Variants in TMEM209 observed in about 807,000 individuals in gnomAD.
TMEM209 encodes transmembrane protein 209.
TMEM209 carries 65 observed loss-of-function variants against 76.2 expected under a neutral mutation model. That is an observed-to-expected ratio of 0.85 (90% CI 0.70 to 1.05). The LOEUF (loss-of-function observed/expected upper bound fraction) is 1.05, where lower values mean the gene tolerates loss of function less well. Ranked by LOEUF, TMEM209 falls within the 50% of genes least tolerant of loss-of-function variation. The probability of loss-of-function intolerance (pLI) is 0.00; values close to 1 mark genes in which losing one functional copy is unlikely to be tolerated. For missense variants in TMEM209, 623 were observed against 685.5 expected, an observed-to-expected ratio of 0.91 and a Z score of 1.02; for synonymous variants, 239 against 237.6, an observed-to-expected ratio of 1.01 and a Z score of -0.06.
chr7:130,191,342 T>C (rs2117011904), intron 6 of TMEM209, among the ~76,000 whole-genome samples: 1 of 151,738 alleles, frequency 6.6e-6, no homozygotes, highest in African/African-American at 2.4e-5. Flanking sequence ...AAGAAAACAT[T>C]TAATGGAAGA....
Position 130,170,615 on chromosome 7 carries a change from T to A in TMEM209, c.1558-142A>T. 6 of 680,268 alleles carry A rather than the reference T, an allele frequency of 8.8e-6. No individual in the cohort carries two copies. The South Asian group carries it at 1.2e-4, about 13-fold the overall frequency. The allele number at this position is 680,268 out of a possible 1,614,324, so 42.1% of individuals were successfully genotyped here. Reference sequence around the variant, plus strand: ...ACTTTCATTTATTTATTAAACAAAGTACCTACGCTTTGTGCTAGGAAGTGG... The same window carrying A: ...ACTTTCATTTATTTATTAAACAAAGAACCTACGCTTTGTGCTAGGAAGTGG... On this transcript the variant is annotated intron_variant, in intron 13 of 14. Coordinates refer to ENST00000397622, the MANE Select transcript of TMEM209 (RefSeq NM_032842.4).
intron 14 of TMEM209, among the ~76,000 whole-genome samples, chr7:130,168,176 A>G (rs540776600): frequency 6.6e-6 from 1 of 152,314 alleles, no homozygotes; most frequent in Non-Finnish European, 1.5e-5. Context: ...GCATCAAAAT[A>G]TCAATTTGGA....
chr7:130,177,292 A>G (rs1797266991), intron 10 of TMEM209, among the ~76,000 whole-genome samples: 1 of 151,248 alleles, frequency 6.6e-6, no homozygotes. Flanking sequence ...TGGAGGTTGC[A>G]GTGAGCCAAG....
chr7:130,180,415 G>A (rs1372907495), intron 9 of TMEM209, among the ~76,000 whole-genome samples: 2 of 151,670 alleles, frequency 1.3e-5, no homozygotes, highest in African/African-American at 2.4e-5. Context: ...TCGAAGTCTC[G>A]CTCTTGCCCC....
chr7:130,178,760 A>G (rs1797321665), intron 9 of TMEM209, among the ~76,000 whole-genome samples: 1 of 151,738 alleles, frequency 6.6e-6, no homozygotes, highest in Non-Finnish European at 1.5e-5. Context: ...CCACTGTCCA[A>G]TGTACTTTTT....
At chr7:130,183,551 G>A (rs1397875009) in intron 8 of TMEM209, among the ~76,000 whole-genome samples, 1 of 152,198 alleles carries the variant, frequency 6.6e-6, no homozygotes, top group Non-Finnish European at 1.5e-5. Context: ...GAATGTTGAA[G>A]GATGAAACAA....
At chr7:130,194,633 CTTCT>C (rs1227337972) in intron 5 of TMEM209, among the ~76,000 whole-genome samples, 5 of 152,172 alleles carry the variant, frequency 3.3e-5, no homozygotes, top group Admixed American at 6.5e-5. Flanking sequence ...TTTCTGATGG[CTTCT>C]TTAACAGATG....
At chr7:130,171,097 CACTT>C (rs1231909989) in intron 13 of TMEM209, among the ~76,000 whole-genome samples, 4 of 151,952 alleles carry the variant, frequency 2.6e-5, no homozygotes, top group African/African-American at 4.8e-5. Context: ...TGGGGAGAAA[CACTT>C]ACTAAGGTCT....
Position 130,170,396 on chromosome 7 carries a change from C to T in TMEM209, c.1631+4G>A, listed in dbSNP as rs781543748. ...ACTTACGTTTTTAAAGCATAAGTAC[C>T]TACCCAAGCATTCCTGACTCTTTGG... On this transcript the variant is annotated splice_donor_region_variant and intron_variant, in intron 14 of 14. Transcript: ENST00000397622. The T allele has an allele frequency of 1.4e-5, 23 of 1,609,306 alleles. No individual in the cohort carries two copies. In the Admixed American group the frequency reaches 1.8e-4, roughly 13 times the overall value.
intron 5 of TMEM209, among the ~76,000 whole-genome samples, chr7:130,199,293 C>T (rs1371848789): frequency 2.0e-5 from 3 of 152,054 alleles, no homozygotes; most frequent in Admixed American, 1.3e-4. Context: ...TCTCGGCTCA[C>T]TGAAAGCTCC....
At chr7:130,173,539 T>A (rs140339157) in intron 13 of TMEM209, 93 bp downstream of exon 13, 1 of 924,530 alleles carries the variant, frequency 1.1e-6, no homozygotes, top group East Asian at 2.5e-5. Context: ...AAAATTTACT[T>A]CTTCTATTAA....
chr7:130,182,988 T>C (rs1405554609), intron 8 of TMEM209, among the ~76,000 whole-genome samples: 1 of 152,218 alleles, frequency 6.6e-6, no homozygotes, highest in Non-Finnish European at 1.5e-5. Context: ...TTATAAATTA[T>C]ACGGTACAGG....
chr7:130,169,963 T>C (rs1283937581), intron 14 of TMEM209, among the ~76,000 whole-genome samples: 1 of 152,178 alleles, frequency 6.6e-6, no homozygotes, highest in Non-Finnish European at 1.5e-5. Flanking sequence ...ATGTAAACGA[T>C]TTCAACTGAC....
intron 5 of TMEM209, among the ~76,000 whole-genome samples, chr7:130,194,440 A>C (rs1056046446): frequency 2.0e-5 from 3 of 152,154 alleles, no homozygotes; most frequent in Admixed American, 2.0e-4. Context: ...GCAAGACCCT[A>C]TCTCTTAAAA....
chr7:130,201,354 T>C (rs759753564), intron 5 of TMEM209, among the ~76,000 whole-genome samples: 3 of 152,114 alleles, frequency 2.0e-5, no homozygotes, highest in Non-Finnish European at 4.4e-5. Flanking sequence ...TTCACATTAC[T>C]GTGGGAGTGG....
chr7:130,193,019 G>A (rs1797851814), intron 5 of TMEM209, among the ~76,000 whole-genome samples, 196 bp from the exon 6 acceptor site: 1 of 152,230 alleles, frequency 6.6e-6, no homozygotes, highest in African/African-American at 2.4e-5. Flanking sequence ...CAGCCACTTT[G>A]AAACAGTCTG....
intron 13 of TMEM209, among the ~76,000 whole-genome samples, 174 bp downstream of exon 13, chr7:130,173,457 CT>C (rs992382489): frequency 3.9e-5 from 6 of 152,186 alleles, no homozygotes; most frequent in Non-Finnish European, 7.3e-5. Flanking sequence ...TTTCTTTATA[CT>C]TTCCCCAAAT....
intron 10 of TMEM209, among the ~76,000 whole-genome samples, chr7:130,177,550 G>A (rs1041434959): frequency 2.0e-5 from 3 of 151,874 alleles, no homozygotes; most frequent in East Asian, 3.9e-4. Context: ...AGGGGGTCGC[G>A]GGAGGCTTAT....
intron 8 of TMEM209, among the ~76,000 whole-genome samples, chr7:130,183,630 C>A (rs1310458809): frequency 6.6e-6 from 1 of 152,116 alleles, no homozygotes; most frequent in African/African-American, 2.4e-5. Flanking sequence ...ATATGCCTAA[C>A]AGAACCCAGA....
Sources: gnomAD v4.1 joint callset for allele counts (sites outside exome capture counted in the v4.1 genomes callset) on GRCh38, gnomAD v4.1.1 for gene constraint, MANE v1.5 for transcripts, NCBI Gene and HGNC (gene_info 2026-07-23, HGNC 2026-07-21) for gene names.